Variants in TRIM16 observed in about 807,000 individuals in gnomAD.
TRIM16 encodes tripartite motif-containing protein 16.
A neutral mutation model predicts 50.4 loss-of-function variants in TRIM16; 33 were observed. The ratio of observed to expected loss-of-function variants is 0.65; its 90% CI spans 0.50 to 0.88. The LOEUF is 0.88. TRIM16 is among the 40% of genes least tolerant of loss of function. TRIM16 has a pLI of 0.00. For synonymous variants in TRIM16, 229 were observed against 270.7 expected, an observed-to-expected ratio of 0.85 and a Z score of 1.51; for missense variants, 581 against 686.8, an observed-to-expected ratio of 0.85 and a Z score of 1.72.
chr17:15,662,555 G>C (rs945051207), intron 6 of TRIM16, among the ~76,000 whole-genome samples: 1 of 152,168 alleles, frequency 6.6e-6, no homozygotes, highest in African/African-American at 2.4e-5. Context: ...GAACATGCCA[G>C]CCTCAACTCC....
At chr17:15,645,664 A>G (rs1470113476) in intron 7 of TRIM16, among the ~76,000 whole-genome samples, 2 of 152,222 alleles carry the variant, frequency 1.3e-5, no homozygotes, top group Non-Finnish European at 2.9e-5. Flanking sequence ...CAGAGAGCAT[A>G]AACTGTCTCT....
intron 7 of TRIM16, among the ~76,000 whole-genome samples, chr17:15,644,976 C>T (rs1417664778): frequency 6.6e-6 from 1 of 151,922 alleles, no homozygotes; most frequent in African/African-American, 2.4e-5. Context: ...CCGCCACACC[C>T]GGTTAATTTT....
intron 7 of TRIM16, among the ~76,000 whole-genome samples, chr17:15,648,225 C>CAA (rs542434481): frequency 1.5e-4 from 11 of 75,474 alleles, no homozygotes; most frequent in East Asian, 8.4e-4. Context: ...GACTCCGTCT[C>CAA]AAAAAAAAAA....
intron 8 of TRIM16, among the ~76,000 whole-genome samples, chr17:15,640,552 C>A (rs1429261767): frequency 6.7e-6 from 1 of 148,372 alleles, no homozygotes; most frequent in Non-Finnish European, 1.5e-5. Context: ...CAACTGTTTA[C>A]AGGTGTTGCC....
chr17:15,652,318 CTT>C (rs371423949), intron 6 of TRIM16, among the ~76,000 whole-genome samples: 5,303 of 136,436 alleles, frequency 0.039, 252 homozygotes, highest in African/African-American at 0.12. Flanking sequence ...CGGCTAATTT[CTT>C]TTTTTTTTTT....
intron 6 of TRIM16, among the ~76,000 whole-genome samples, chr17:15,660,027 T>G (rs1439055805): frequency 1.3e-5 from 2 of 152,188 alleles, no homozygotes; most frequent in African/African-American, 4.8e-5. Flanking sequence ...CACCTTCAGG[T>G]AGCAACAAGT....
rs1274703989 is a variant in TRIM16 at position 15,634,809 on chromosome 17, T to C, written c.849+1227A>G. ...CTGGGTGACAGAGCAAGACTCCATC[T>C]CAAAAAACAACACACACACACAAAA... On this transcript the variant is annotated intron_variant, in intron 9 of 11. Transcript: ENST00000649191. Among the ~76,000 whole-genome samples, 4 of 148,910 alleles carry C rather than the reference T, an allele frequency of 2.7e-5. 1 individual carries two copies. The highest frequency in any genetic ancestry group is 6.0e-5 in the Non-Finnish European group (4 of 67,146).
intron 7 of TRIM16, among the ~76,000 whole-genome samples, chr17:15,649,256 T>G (rs1056525067): frequency 2.0e-5 from 3 of 152,098 alleles, no homozygotes; most frequent in African/African-American, 4.8e-5. Flanking sequence ...AGACCCTCCT[T>G]TCCTAGTAAA....
intron 6 of TRIM16, among the ~76,000 whole-genome samples, chr17:15,670,411 G>A (rs758827078): frequency 2.6e-5 from 4 of 152,020 alleles, no homozygotes; most frequent in Admixed American, 2.6e-4. Context: ...TTTCCCCCAC[G>A]TCGAAGCGTC....
intron 6 of TRIM16, among the ~76,000 whole-genome samples, chr17:15,663,371 C>A (rs1988331151): frequency 6.6e-6 from 1 of 152,316 alleles, no homozygotes; most frequent in Middle Eastern, 3.4e-3. Context: ...GAATATGACA[C>A]ACGCCCTGCC....
chr17:15,631,651 G>A lies in TRIM16; in HGVS notation c.1079C>T (p.Pro360Leu). 6.2e-7 allele frequency: 1 copy of A among 1,613,916 alleles called. No individual in the cohort carries two copies. The highest frequency in any genetic ancestry group is 8.5e-7 in the Non-Finnish European group (1 of 1,179,860). Residue 360 changes from proline to leucine, a missense_variant, in exon 11 of 12, where the codon CCT becomes CTT. By Grantham distance (98) the Pro-to-Leu change is moderately conservative. Around this residue, in one of 3 missense-constraint regions of TRIM16, gnomAD observed 450 missense variants for 544.3 expected, o/e 0.83. Coordinates refer to ENST00000649191, the MANE Select transcript of TRIM16 (RefSeq NM_001348119.1). ...GAACTGTTCCCTGGTGCTGGGCTCAGGTTTGGAAGTCCAATATTTGCGCTG... is the reference window on the plus strand; with the variant it reads ...GAACTGTTCCCTGGTGCTGGGCTCAAGTTTGGAAGTCCAATATTTGCGCTG... ...VVQRKYWTSKPEPSTREQFLQ... is the reference protein window; with the variant it reads ...VVQRKYWTSKLEPSTREQFLQ...
Position 15,651,088 on chromosome 17 carries a change from C to T in TRIM16, c.519+3G>A, listed in dbSNP as rs771467114. On this transcript the variant is annotated splice_donor_region_variant and intron_variant, in intron 7 of 11. Transcript: ENST00000649191. ...AATGGATGAATGGTCCCCAAGCACT[C>T]ACCTCCTTGTCCCTGCGGGCTGCAT... is the stretch of plus-strand genomic sequence containing the variant. The T allele has an allele frequency of 1.9e-6, 3 of 1,600,764 alleles. No homozygotes were observed. In the African/African-American group the frequency reaches 4.0e-5, roughly 21 times the overall value.
chr17:15,670,456 G>C (rs568781804), intron 6 of TRIM16, among the ~76,000 whole-genome samples: 5 of 152,224 alleles, frequency 3.3e-5, no homozygotes, highest in Non-Finnish European at 7.4e-5. Flanking sequence ...GCTCTCTATG[G>C]TCTACATGTC....
At chr17:15,662,766 G>A (rs1475855303) in intron 6 of TRIM16, among the ~76,000 whole-genome samples, 1 of 152,212 alleles carries the variant, frequency 6.6e-6, no homozygotes, top group Non-Finnish European at 1.5e-5. Context: ...TAAGAAAACA[G>A]TAACTTAATG....
In TRIM16 at chr17:15,651,122, A is replaced by T. The variant is rs1298477669; in HGVS notation, c.488T>A (p.Val163Asp). The T allele has an allele frequency of 3.1e-6, 5 of 1,613,470 alleles. No homozygotes were observed. The highest frequency in any genetic ancestry group is 4.2e-6 in the Non-Finnish European group (5 of 1,179,714). ...GTCCCTGCGGGCTGCATCCAGGGAG[A>T]CTATGGTGTGGCCACTGTGCTCCTG... ...CCQEHSGHTI[V>D]SLDAARRDKE... Residue 163 changes from valine to aspartate, a missense_variant, in exon 7 of 12, where the codon GTC becomes GAC. Coordinates refer to ENST00000649191, the MANE Select transcript of TRIM16 (RefSeq NM_001348119.1).
rs781220554 is a variant in TRIM16, at chr17:15,636,086, G to C, written c.799C>G (p.Gln267Glu). 13 of 1,609,574 alleles carry C rather than the reference G, an allele frequency of 8.1e-6. No individual in the cohort carries two copies. The highest frequency in any genetic ancestry group is 1.0e-5 in the Non-Finnish European group (12 of 1,178,786). ...YRSAEMEKSKQELERMAAISN... is the reference protein window; with the variant it reads ...YRSAEMEKSKEELERMAAISN... Reference sequence around the variant, plus strand: ...ATGGCCGCCATCCTCTCCAGCTCCTGCTTGCTCTTCTCCATCTCGGCACTC... The same window carrying C: ...ATGGCCGCCATCCTCTCCAGCTCCTCCTTGCTCTTCTCCATCTCGGCACTC... The change falls in exon 9 of 12, where the codon CAG becomes GAG. Residue 267 changes from glutamine (Q) to glutamate (E), a missense_variant. Transcript: ENST00000649191.
chr17:15,676,296 G>C (rs1988940442), intron 6 of TRIM16, among the ~76,000 whole-genome samples: 1 of 152,072 alleles, frequency 6.6e-6, no homozygotes, highest in Admixed American at 6.6e-5. Context: ...ACTTATTATA[G>C]ACACTTCAAA....
At chr17:15,676,048 A>G (rs1988927039) in intron 6 of TRIM16, among the ~76,000 whole-genome samples, 1 of 152,010 alleles carries the variant, frequency 6.6e-6, no homozygotes, top group Non-Finnish European at 1.5e-5. Flanking sequence ...TACATTTGGC[A>G]TGTCGTCCTT....
rs140413277 is a variant in TRIM16, at chr17:15,651,467, G to C, written c.143C>G (p.Ser48Trp). ...SPVEEEDVGS[S>W]EKLGRETEEQ... ...CTCCGTCTCCCTGCCAAGCTTCTCC[G>C]AGGAGCCCACGTCCTCTTCTTCCAC... The change falls in exon 7 of 12, where the codon TCG (serine) becomes TGG (tryptophan). Residue 48 changes from serine to tryptophan, a missense_variant. By Grantham distance (177) the Ser-to-Trp change is radical (BLOSUM62 -3). Coordinates refer to ENST00000649191, the MANE Select transcript of TRIM16 (RefSeq NM_001348119.1). The C allele has an allele frequency of 6.2e-7, 1 of 1,611,902 alleles. No homozygotes were observed. Among genetic ancestry groups the C allele is most frequent in the Admixed American group, 1.7e-5 (1 of 59,916 alleles).
Sources: allele counts gnomAD v4.1 joint callset (sites outside exome capture counted in the v4.1 genomes callset), GRCh38; gene constraint gnomAD v4.1.1; regional missense constraint gnomAD v4.1.1; transcripts MANE v1.5; gene names NCBI Gene and HGNC (gene_info 2026-07-23, HGNC 2026-07-21).